EXT1: variants seen among roughly 807,000 people sequenced by gnomAD.
The protein encoded by EXT1 is exostosin glycosyltransferase 1, also known as exostosin-1.
Under a neutral mutation model 82.5 loss-of-function variants are expected in EXT1, and 20 were observed. The observed-to-expected ratio is 0.24, with a 90% CI of 0.17 to 0.35. The LOEUF is 0.35. Ranked by LOEUF, EXT1 falls within the 10% of genes least tolerant of loss-of-function variation. EXT1 has a pLI of 1.00. For synonymous variants in EXT1, 348 were observed against 350.8 expected (o/e 0.99, Z 0.09); for missense variants, 757 against 936.5 (o/e 0.81, Z 2.50).
intron 1 of EXT1, among the ~76,000 whole-genome samples, chr8:117,934,105 T>G (rs1430649802): frequency 1.3e-5 from 2 of 152,116 alleles, no homozygotes; most frequent in African/African-American, 4.8e-5. Context: ...GCACAGTGTT[T>G]TGAAACCCTT....
chr8:117,969,533 G>C (rs1275575396), intron 1 of EXT1, among the ~76,000 whole-genome samples: 1 of 152,154 alleles, frequency 6.6e-6, no homozygotes, highest in Non-Finnish European at 1.5e-5. Context: ...ACTAACTCCA[G>C]CTTCATCTTT....
intron 1 of EXT1, among the ~76,000 whole-genome samples, chr8:118,101,413 T>G (rs530168207): frequency 6.6e-6 from 1 of 152,310 alleles, no homozygotes; most frequent in East Asian, 1.9e-4. Flanking sequence ...CCTTTACACT[T>G]AAAATCCCAG....
chr8:118,103,784 T>C (rs1398123706), intron 1 of EXT1, among the ~76,000 whole-genome samples: 5 of 152,286 alleles, frequency 3.3e-5, no homozygotes, highest in Non-Finnish European at 2.9e-5. Context: ...AGAATCTACA[T>C]AGAAACAATT....
At chr8:118,063,464 G>A (rs768851192) in intron 1 of EXT1, among the ~76,000 whole-genome samples, 10 of 152,156 alleles carry the variant, frequency 6.6e-5, no homozygotes, top group African/African-American at 1.2e-4. Flanking sequence ...TGCCAACTGC[G>A]AGTCACACAA....
intron 1 of EXT1, among the ~76,000 whole-genome samples, chr8:118,086,998 T>G (rs559489111): frequency 1.3e-5 from 2 of 152,206 alleles, no homozygotes; most frequent in Admixed American, 6.5e-5. Context: ...ACTGTCACCA[T>G]GAAATACTGC....
intron 1 of EXT1, among the ~76,000 whole-genome samples, chr8:117,889,943 A>C (rs1813213638): frequency 6.6e-6 from 1 of 152,358 alleles, no homozygotes; most frequent in Non-Finnish European, 1.5e-5. Context: ...TACAGTTTTT[A>C]TATGAAAAAA....
intron 1 of EXT1, among the ~76,000 whole-genome samples, chr8:117,992,126 A>C (rs1223326260): frequency 1.3e-5 from 2 of 152,172 alleles, no homozygotes; most frequent in African/African-American, 4.8e-5. Flanking sequence ...ACATGTTGGC[A>C]GCTGCCCACA....
intron 1 of EXT1, among the ~76,000 whole-genome samples, chr8:117,875,423 A>AATAG (rs2129905794): frequency 2.3e-4 from 1 of 4,306 alleles, no homozygotes; most frequent in South Asian, 7.9e-3. Context: ...TACCTCTCTA[A>AATAG]ATAAATAAAT....
intron 1 of EXT1, among the ~76,000 whole-genome samples, chr8:117,941,399 G>C (rs10283365): frequency 0.49 from 75,159 of 152,102 alleles, 20,540 homozygotes; most frequent in Admixed American, 0.65. Flanking sequence ...ACATATGGAG[G>C]GGGGAATAGG....
intron 1 of EXT1, among the ~76,000 whole-genome samples, chr8:118,016,789 A>C (rs1816012454): frequency 6.6e-6 from 1 of 152,222 alleles, no homozygotes; most frequent in Admixed American, 6.5e-5. Context: ...ACGTGTTCCC[A>C]AAATCATCAA....
intron 1 of EXT1, among the ~76,000 whole-genome samples, chr8:118,103,013 T>G (rs1242658386): frequency 1.3e-5 from 2 of 151,998 alleles, no homozygotes; most frequent in Non-Finnish European, 2.9e-5. Context: ...ATTAGCCGAG[T>G]GTGGTGGCAC....
At position 118,110,503 on chromosome 8, in the gene EXT1, G is replaced by A. The variant is rs763278350; in HGVS notation, c.544C>T (p.His182Tyr). The A allele has an allele frequency of 1.2e-6, 2 of 1,614,136 alleles. No homozygotes were observed. The highest frequency in any genetic ancestry group is 1.7e-6 in the Non-Finnish European group (2 of 1,180,030). The change falls in exon 1 of 11, where the codon CAC becomes TAC. Residue 182 changes from histidine (H) to tyrosine (Y), a missense_variant. This residue lies in a region of EXT1 where 247 missense variants were observed against 330.1 expected (regional missense o/e 0.75). Coordinates refer to ENST00000378204, the MANE Select transcript of EXT1 (RefSeq NM_000127.3). ...HNLRSKVQSLHLWNNGRNHLI... is the reference protein window; with the variant it reads ...HNLRSKVQSLYLWNNGRNHLI... Reference sequence around the variant, plus strand: ...TGATTCCTACCATTGTTCCACAAGTGGAGACTCTGCACTTTGGATCTCAAA... The same window carrying A: ...TGATTCCTACCATTGTTCCACAAGTAGAGACTCTGCACTTTGGATCTCAAA...
At position 117,994,215 on chromosome 8, in the gene EXT1, A is replaced by G. The variant is rs532868578; in HGVS notation, c.962+115870T>C. The stretch of plus-strand genomic sequence containing the variant: ...AATGCTTACCACGTACATTTAGAAT[A>G]CGTCATCATCATAAGAAGTTCTATT... On this transcript the variant is annotated intron_variant, in intron 1 of 10. Transcript: ENST00000378204. Among the ~76,000 whole-genome samples the G allele has an allele frequency of 2.7e-4, 41 of 152,334 alleles. 1 individual carries two copies. The South Asian group carries it at 7.7e-3, about 29-fold the overall frequency.
intron 1 of EXT1, among the ~76,000 whole-genome samples, chr8:118,103,441 T>C (rs1206167118): frequency 3.9e-5 from 6 of 152,222 alleles, no homozygotes; most frequent in Non-Finnish European, 2.9e-5. Flanking sequence ...CATGAGCCAC[T>C]GTGCTCAGCC....
chr8:117,976,241 C>G (rs1815062526), intron 1 of EXT1, among the ~76,000 whole-genome samples: 1 of 152,158 alleles, frequency 6.6e-6, no homozygotes, highest in African/African-American at 2.4e-5. Flanking sequence ...ACACAAATAG[C>G]CTACCGCCCA....
intron 1 of EXT1, among the ~76,000 whole-genome samples, chr8:118,041,151 C>A (rs1261523402): frequency 6.6e-6 from 1 of 152,146 alleles, no homozygotes; most frequent in Non-Finnish European, 1.5e-5. Flanking sequence ...CAGTCTACAA[C>A]TTTAAAAAGG....
intron 1 of EXT1, among the ~76,000 whole-genome samples, chr8:117,938,596 TTTCTGGCATCACAGAAAGTTC>T (rs1385723227): frequency 6.6e-6 from 1 of 152,214 alleles, no homozygotes; most frequent in Non-Finnish European, 1.5e-5. Context: ...ATAGAGAATA[TTTCTGGCATCACAGAAAGTTC>T]TCCTGGACAG....
At chr8:117,956,466 T>C (rs1017785666) in intron 1 of EXT1, among the ~76,000 whole-genome samples, 1 of 152,158 alleles carries the variant, frequency 6.6e-6, no homozygotes, top group Non-Finnish European at 1.5e-5. Flanking sequence ...AAAAAAATTT[T>C]TGAGACAGTC....
chr8:117,881,660 AT>A (rs2129920396), intron 1 of EXT1, among the ~76,000 whole-genome samples: 1 of 152,368 alleles, frequency 6.6e-6, no homozygotes, highest in Admixed American at 6.5e-5. Context: ...TGCAAAGACT[AT>A]ATTGGGAAAC....
Sources: allele counts gnomAD v4.1 joint callset (sites outside exome capture counted in the v4.1 genomes callset), GRCh38; gene constraint gnomAD v4.1.1; regional missense constraint gnomAD v4.1.1; transcripts MANE v1.5; gene names NCBI Gene and HGNC (gene_info 2026-07-23, HGNC 2026-07-21).